Variants in RIPK4 observed in about 807,000 individuals in gnomAD.
The protein encoded by RIPK4 is receptor interacting serine/threonine kinase 4, also known as receptor-interacting serine/threonine-protein kinase 4.
A neutral mutation model predicts 42.9 loss-of-function variants in RIPK4; 17 were observed. The observed-to-expected ratio is 0.40, with a 90% CI of 0.27 to 0.59. The LOEUF is 0.59. Ranked by LOEUF, RIPK4 falls within the 20% of genes least tolerant of loss-of-function variation. RIPK4 has a pLI of 0.47. For missense variants in RIPK4, 897 were observed against 1,104.4 expected, an observed-to-expected ratio of 0.81 and a Z score of 2.66; for synonymous variants, 498 against 499.1, an observed-to-expected ratio of 1.00 and a Z score of 0.03.
Position 41,743,937 on chromosome 21 carries a change from G to A in RIPK4, c.1140C>T (p.Ala380=), listed in dbSNP as rs767548016. 5 of 1,613,120 alleles carry A rather than the reference G, an allele frequency of 3.1e-6. No homozygotes were observed. In the African/African-American group the frequency reaches 5.3e-5, roughly 17 times the overall value. Residue 380 remains alanine, a synonymous_variant, in exon 7 of 8, where the codon GCC becomes GCT. Transcript: ENST00000332512. ...GCGACAGTGATCCTCTGGAAGAGAA[G>A]GCGGAGTCCACCGAGGACACCCCCG... ...RLSGVSSVDS[A]FSSRGSLSLS...
chr21:41,752,446 C>T (rs753033903), intron 2 of RIPK4, among the ~76,000 whole-genome samples: 7 of 151,964 alleles, frequency 4.6e-5, no homozygotes, highest in Non-Finnish European at 8.8e-5. Flanking sequence ...GGGGGGAAGG[C>T]CTGCGAGCAG....
At chr21:41,759,610 G>A (rs569289689) in intron 1 of RIPK4, among the ~76,000 whole-genome samples, 1 of 152,318 alleles carries the variant, frequency 6.6e-6, no homozygotes, top group South Asian at 2.1e-4. Context: ...ACAGCAGGGG[G>A]CTCTTCTGGA....
In RIPK4 at chr21:41,755,411, G is replaced by A. The variant is rs575865959; in HGVS notation, c.474+1114C>T. Among the ~76,000 whole-genome samples, 41 of 152,272 alleles carry A rather than the reference G, an allele frequency of 2.7e-4. No individual in the cohort carries two copies. Among genetic ancestry groups the A allele is most frequent in the South Asian group, 1.9e-3 (9 of 4,822 alleles). On this transcript the variant is annotated intron_variant, in intron 2 of 7. Transcript: ENST00000332512. The surrounding 1 kb of genome is among the most constrained non-coding windows in gnomAD (Gnocchi z 4.2). ...TGAGCAAGGCACGCGAGATGCACTCGTCCGCAGAGTCTGGGCACAGGGAGC... is the reference window on the plus strand; with the variant it reads ...TGAGCAAGGCACGCGAGATGCACTCATCCGCAGAGTCTGGGCACAGGGAGC...
chr21:41,748,666 A>C (rs1159125679), intron 4 of RIPK4, among the ~76,000 whole-genome samples: 9 of 152,204 alleles, frequency 5.9e-5, no homozygotes, highest in African/African-American at 9.7e-5. Flanking sequence ...TTTTATGACT[A>C]TTTTTTTAAA....
Position 41,741,111 on chromosome 21 carries a change from G to T in RIPK4, c.2082C>A (p.Ala694=), listed in dbSNP as rs529767883. ...ATVKLLVEEK[A]DVLARGPLNQ... is the part of the protein sequence containing the mutation. ...TCAGGGGTCCCCGGGCCAGCACATC[G>T]GCCTTCTCCTCGACAAGCAGCTTGA... The change falls in exon 8 of 8, where the codon GCC becomes GCA. Residue 694 remains alanine, a synonymous_variant. Coordinates refer to ENST00000332512, the MANE Select transcript of RIPK4 (RefSeq NM_020639.3). 4 of 1,612,594 alleles carry T rather than the reference G, an allele frequency of 2.5e-6. No individual in the cohort carries two copies. In the South Asian group the frequency reaches 4.4e-5, roughly 18 times the overall value.
At chr21:41,766,212 AC>A (rs900986697) in intron 1 of RIPK4, among the ~76,000 whole-genome samples, 4 of 152,072 alleles carry the variant, frequency 2.6e-5, no homozygotes, top group Non-Finnish European at 5.9e-5. Context: ...CCCGTGCCGG[AC>A]CCCACTGCCA....
intron 6 of RIPK4, among the ~76,000 whole-genome samples, chr21:41,745,206 C>G (rs534446021): frequency 6.6e-6 from 1 of 152,330 alleles, no homozygotes; most frequent in African/African-American, 2.4e-5. Context: ...CTCACACCAA[C>G]AGCCTGGGAT....
At chr21:41,760,176 T>C (rs958181919) in intron 1 of RIPK4, among the ~76,000 whole-genome samples, 5 of 152,234 alleles carry the variant, frequency 3.3e-5, no homozygotes, top group African/African-American at 1.2e-4. Flanking sequence ...AGTGAGTGCA[T>C]TTTCAGCCAA....
chr21:41,752,131 C>G (rs187002958), intron 2 of RIPK4, among the ~76,000 whole-genome samples: 11 of 152,248 alleles, frequency 7.2e-5, no homozygotes, highest in African/African-American at 2.4e-4. Context: ...TGCTGAAAAC[C>G]GTATGTGGGA....
At position 41,751,967 on chromosome 21, in the gene RIPK4, T is replaced by A. The variant is rs2061189925; in HGVS notation, c.475-722A>T. 6.6e-6 allele frequency among the ~76,000 whole-genome samples: 1 copy of A among 151,914 alleles called. No individual in the cohort carries two copies. Among genetic ancestry groups the A allele is most frequent in the African/African-American group, 2.4e-5 (1 of 41,340 alleles). On this transcript the variant is annotated intron_variant, in intron 2 of 7. Transcript: ENST00000332512. The surrounding 1 kb of genome is among the most constrained non-coding windows in gnomAD (Gnocchi z 4.5). Reference sequence around the variant, plus strand: ...CCAGGAATGCCCTCAACGTCCGCATTCAGGGGAGGCAGGTCTCAGGTCTCC... The same window carrying A: ...CCAGGAATGCCCTCAACGTCCGCATACAGGGGAGGCAGGTCTCAGGTCTCC...
At chr21:41,753,375 C>A (rs1329298463) in intron 2 of RIPK4, among the ~76,000 whole-genome samples, 1 of 152,208 alleles carries the variant, frequency 6.6e-6, no homozygotes, top group Non-Finnish European at 1.5e-5. Flanking sequence ...TCAGATAGAG[C>A]CAGCCACTCC....
rs1475525498 is a variant in RIPK4 at position 41,742,012 on chromosome 21, G to A, written c.1196-15C>T. 1 of 1,567,548 alleles carries A rather than the reference G, an allele frequency of 6.4e-7. No individual in the cohort carries two copies. The highest frequency in any genetic ancestry group is 2.3e-5 in the East Asian group (1 of 44,366). ...GGTGCCCAGATCTGCAGGGAGAGGA[G>A]AGGCAAAGGTCAGAGCGTGGCTGCA... On this transcript the variant is annotated splice_polypyrimidine_tract_variant and intron_variant, in intron 7 of 7. Coordinates refer to ENST00000332512, the MANE Select transcript of RIPK4 (RefSeq NM_020639.3). This position sits in a 1 kb window ranked among gnomAD's most constrained non-coding sequence, Gnocchi z 5.1.
chr21:41,745,116 C>T (rs1214797570), intron 6 of RIPK4, among the ~76,000 whole-genome samples: 1 of 152,174 alleles, frequency 6.6e-6, no homozygotes, highest in Non-Finnish European at 1.5e-5. Flanking sequence ...CCTTTGCTCC[C>T]GGGCTCACTG....
At chr21:41,763,602 C>T (rs1023938334) in intron 1 of RIPK4, among the ~76,000 whole-genome samples, 1 of 152,192 alleles carries the variant, frequency 6.6e-6, no homozygotes, top group Non-Finnish European at 1.5e-5. Context: ...AAAATGCAGC[C>T]GGAAAATGTG....
In RIPK4 at chr21:41,746,056, T is replaced by C. The variant is rs150301539; in HGVS notation, c.833-194A>G. The C allele has an allele frequency of 0.02, 14,350 of 716,098 alleles. 181 individuals carry two copies. Among genetic ancestry groups the C allele is most frequent in the Non-Finnish European group, 0.027 (10,452 of 392,342 alleles). The allele number at this position is 716,098 out of a possible 1,614,324, so 44.4% of individuals were successfully genotyped here. The stretch of plus-strand genomic sequence containing the variant: ...ACCCAGGCCCCCCCATCGGTAATCA[T>C]TTGAAGGCCTCACCAGACTCAAGGC... On this transcript the variant is annotated intron_variant, in intron 5 of 7. Coordinates refer to ENST00000332512, the MANE Select transcript of RIPK4 (RefSeq NM_020639.3).
At chr21:41,757,730 A>T (rs943080566) in intron 1 of RIPK4, among the ~76,000 whole-genome samples, 1 of 150,540 alleles carries the variant, frequency 6.6e-6, no homozygotes, top group East Asian at 2.0e-4. Flanking sequence ...GCCGGGTGTG[A>T]TGGCTCATGC....
At chr21:41,760,847 T>A (rs2061218386) in intron 1 of RIPK4, among the ~76,000 whole-genome samples, 2 of 152,100 alleles carry the variant, frequency 1.3e-5, no homozygotes, top group Non-Finnish European at 2.9e-5. Flanking sequence ...GAAGCAAGTA[T>A]CAGGAATGAA....
intron 4 of RIPK4, among the ~76,000 whole-genome samples, chr21:41,748,305 TTG>T (rs1443252557): frequency 6.6e-6 from 1 of 152,266 alleles, no homozygotes; most frequent in African/African-American, 2.4e-5. Context: ...GGGCTAGGCC[TTG>T]ACTCTCATCT....
chr21:41,749,181 C>A lies in RIPK4; in HGVS notation c.646G>T (p.Val216Leu), dbSNP rs772497449. ...VYSFAIVIWG[V>L]LTQKKPFADE... The stretch of plus-strand genomic sequence containing the variant: ...GCAAACGGCTTCTTCTGTGTGAGCA[C>A]GCCCCAGATGACGATCGCAAAGCTG... The change falls in exon 4 of 8, where the codon GTG becomes TTG. Residue 216 changes from valine to leucine, a missense_variant. Transcript: ENST00000332512. 1 of 1,613,872 alleles carries A rather than the reference C, an allele frequency of 6.2e-7. No homozygotes were observed. Among genetic ancestry groups the A allele is most frequent in the South Asian group, 1.1e-5 (1 of 91,062 alleles).
Sources: allele counts gnomAD v4.1 joint callset (sites outside exome capture counted in the v4.1 genomes callset), GRCh38; gene constraint gnomAD v4.1.1; non-coding constraint Gnocchi (gnomAD v3.1); transcripts MANE v1.5; gene names NCBI Gene and HGNC (gene_info 2026-07-23, HGNC 2026-07-21).